Variants in LRRK1 observed in about 807,000 individuals in gnomAD.
LRRK1 encodes the protein leucine rich repeat kinase 1.
LRRK1 carries 113 observed loss-of-function variants against 209.1 expected under a neutral mutation model. That is an observed-to-expected ratio of 0.54 (90% CI 0.46 to 0.63). LRRK1 has a LOEUF of 0.63. Ranked by LOEUF, LRRK1 falls within the 30% of genes least tolerant of loss-of-function variation. The probability of loss-of-function intolerance (pLI) is 0.00; values close to 1 mark genes in which losing one functional copy is unlikely to be tolerated. For synonymous variants in LRRK1, 1,144 were observed against 1,099.7 expected (o/e 1.04, Z -0.80); for missense variants, 2,284 against 2,632.2 (o/e 0.87, Z 2.89).
intron 6 of LRRK1, among the ~76,000 whole-genome samples, chr15:100,991,745 A>T (rs950838649): frequency 1.3e-5 from 2 of 152,122 alleles, no homozygotes; most frequent in Admixed American, 6.5e-5. Flanking sequence ...AAATCTCAAA[A>T]ACTGAATAAT....
At chr15:101,019,387 A>C (rs1487181192) in intron 12 of LRRK1, among the ~76,000 whole-genome samples, 2 of 152,200 alleles carry the variant, frequency 1.3e-5, no homozygotes, top group Non-Finnish European at 2.9e-5. Context: ...AGGAAAAAAA[A>C]GGAAGCTTTT....
intron 2 of LRRK1, among the ~76,000 whole-genome samples, chr15:100,969,388 C>A (rs1464388539): frequency 6.6e-6 from 1 of 152,148 alleles, no homozygotes; most frequent in East Asian, 1.9e-4. Context: ...TAAAGACTTA[C>A]TCTCAAGTCA....
At chr15:100,964,953 G>C (rs550191245) in intron 2 of LRRK1, among the ~76,000 whole-genome samples, 44 of 152,302 alleles carry the variant, frequency 2.9e-4, no homozygotes, top group African/African-American at 1.0e-3. Flanking sequence ...CAGGAGTGAT[G>C]ACTTAACAAT....
At chr15:100,959,102 T>A (rs570888320) in intron 2 of LRRK1, among the ~76,000 whole-genome samples, 1 of 152,190 alleles carries the variant, frequency 6.6e-6, no homozygotes, top group Non-Finnish European at 1.5e-5. Flanking sequence ...AGAAAATCAT[T>A]CTTGGAAAGG....
intron 2 of LRRK1, among the ~76,000 whole-genome samples, chr15:100,969,507 CA>C (rs1467008570): frequency 6.6e-6 from 1 of 151,076 alleles, no homozygotes; most frequent in Non-Finnish European, 1.5e-5. Context: ...GTTTTTTTTT[CA>C]AGTTCAGGGG....
intron 12 of LRRK1, among the ~76,000 whole-genome samples, chr15:101,018,178 TAAA>T (rs34360209): frequency 1.2e-4 from 15 of 126,592 alleles, no homozygotes; most frequent in Non-Finnish European, 1.3e-4. Flanking sequence ...CAAATTGATT[TAAA>T]AAAAAAAAAA....
chr15:100,999,649 T>C (rs2032595944), intron 6 of LRRK1, among the ~76,000 whole-genome samples: 2 of 152,256 alleles, frequency 1.3e-5, no homozygotes, highest in Admixed American at 1.3e-4. Flanking sequence ...GAACTATTTG[T>C]TATTTGAAAT....
chr15:100,978,577 C>T (rs1160445743), intron 3 of LRRK1, among the ~76,000 whole-genome samples: 5 of 152,150 alleles, frequency 3.3e-5, no homozygotes, highest in African/African-American at 1.2e-4. Context: ...CAGAACATCA[C>T]TACAGATCCT....
At chr15:101,058,969 CATA>C (rs911388837) in intron 29 of LRRK1, among the ~76,000 whole-genome samples, 16 of 152,100 alleles carry the variant, frequency 1.1e-4, no homozygotes, top group Admixed American at 2.0e-4. Context: ...GAGCTTGAGA[CATA>C]ATAAGATAAA....
intron 3 of LRRK1, among the ~76,000 whole-genome samples, chr15:100,979,393 A>T (rs977993800): frequency 6.6e-6 from 1 of 152,180 alleles, no homozygotes; most frequent in Non-Finnish European, 1.5e-5. Context: ...CATTGTATTT[A>T]AAAAATACTA....
chr15:101,027,355 G>T lies in LRRK1; in HGVS notation c.2500G>T (p.Gly834Cys). The T allele has an allele frequency of 6.2e-7, 1 of 1,613,844 alleles. No individual in the cohort carries two copies. The highest frequency in any genetic ancestry group is 8.5e-7 in the Non-Finnish European group (1 of 1,179,994). Residue 834 changes from glycine to cysteine, a missense_variant, in exon 18 of 34, where the codon GGC (glycine) becomes TGC (cysteine). By Grantham distance (159) the Gly-to-Cys change is radical. Transcript: ENST00000388948. The surrounding 1 kb of genome is among the most constrained non-coding windows in gnomAD (Gnocchi z 5.1). The stretch of plus-strand genomic sequence containing the variant: ...CATGAAGGACGTGGGCAGCACCATC[G>T]GCTGCCAGCGACTGGCAGGGCGGCT... ...CSMKDVGSTIGCQRLAGRLIP... is the reference protein window; with the variant it reads ...CSMKDVGSTICCQRLAGRLIP...
Position 100,993,820 on chromosome 15 carries a change from C to G in LRRK1, c.762+4422C>G, listed in dbSNP as rs141622636. ...CTTTAATTTATATTTATTACTATTT[C>G]CTTTTTACCCTTCCCTTATTCCTGC... On this transcript the variant is annotated intron_variant, in intron 6 of 33. Coordinates refer to ENST00000388948, the MANE Select transcript of LRRK1 (RefSeq NM_024652.6). 9.4e-3 allele frequency among the ~76,000 whole-genome samples: 1,430 copies of G among 152,266 alleles called. 15 individuals are homozygous for G. Among genetic ancestry groups the G allele is most frequent in the Middle Eastern group, 0.031 (9 of 294 alleles).
chr15:100,940,942 C>T (rs1005602818), intron 2 of LRRK1, among the ~76,000 whole-genome samples: 2 of 152,222 alleles, frequency 1.3e-5, no homozygotes, highest in African/African-American at 4.8e-5. Context: ...TGGCTAGACC[C>T]TGCCTTGCAG....
Position 100,981,104 on chromosome 15 carries a change from C to T in LRRK1, c.262-2424C>T, listed in dbSNP as rs543623161. ...AGGTAAAGGCATAGAGAGAGGCCTACTTCCTGTTTTATACTTTTCTATGCT... is the reference window on the plus strand; with the variant it reads ...AGGTAAAGGCATAGAGAGAGGCCTATTTCCTGTTTTATACTTTTCTATGCT... On this transcript the variant is annotated intron_variant, in intron 3 of 33. Coordinates refer to ENST00000388948, the MANE Select transcript of LRRK1 (RefSeq NM_024652.6). Among the ~76,000 whole-genome samples the T allele has an allele frequency of 2.6e-5, 4 of 152,284 alleles. No homozygotes were observed. In the South Asian group the frequency reaches 8.3e-4, roughly 32 times the overall value.
At position 100,995,764 on chromosome 15, in the gene LRRK1, C is replaced by T. The variant is rs575078118; in HGVS notation, c.762+6366C>T. 2.0e-5 allele frequency among the ~76,000 whole-genome samples: 3 copies of T among 152,322 alleles called. No individual in the cohort carries two copies. In the South Asian group the frequency reaches 6.2e-4, roughly 32 times the overall value. On this transcript the variant is annotated intron_variant, in intron 6 of 33. Transcript: ENST00000388948. ...GTTAGAGGGCCAGGCTGAGGGCTCA[C>T]TGGGGCTGTTTTAAGTGTGGAAGTA...
At position 101,048,093 on chromosome 15, in the gene LRRK1, G is replaced by GAGAT. The variant is rs556505862; in HGVS notation, c.3136-397_3136-394dup. ...TTCAGCTGTTTTTCACAAACATATG[G>GAGAT]AGATAGAAAAAAAAAAAATCCTGGA... On this transcript the variant is annotated intron_variant, in intron 21 of 33. Transcript: ENST00000388948. Among the ~76,000 whole-genome samples, 250 of 134,060 alleles carry GAGAT rather than the reference G, an allele frequency of 1.9e-3. 1 individual carries two copies. Among genetic ancestry groups the GAGAT allele is most frequent in the African/African-American group, 5.8e-3 (230 of 39,876 alleles). The allele number at this position is 134,060 out of a possible 152,430, so 87.9% of individuals were successfully genotyped here.
intron 1 of LRRK1, chr15:100,920,308 A>G (rs1201487908): frequency 8.5e-5 from 13 of 152,226 alleles, no homozygotes; most frequent in Admixed American, 2.6e-4. Context: ...GTGTACACTA[A>G]TGATAGAGTT....
At chr15:100,945,791 C>T (rs923024522) in intron 2 of LRRK1, among the ~76,000 whole-genome samples, 1 of 152,136 alleles carries the variant, frequency 6.6e-6, no homozygotes, top group South Asian at 2.1e-4. Context: ...CAGTGCCCAG[C>T]CTTCATATTC....
At chr15:100,950,125 A>G (rs1214907263) in intron 2 of LRRK1, among the ~76,000 whole-genome samples, 1 of 152,270 alleles carries the variant, frequency 6.6e-6, no homozygotes, top group Non-Finnish European at 1.5e-5. Flanking sequence ...ACAAAAGACA[A>G]TTAGAACTAA....
Sources: gnomAD v4.1 joint callset for allele counts (sites outside exome capture counted in the v4.1 genomes callset) on GRCh38, gnomAD v4.1.1 for gene constraint, Gnocchi (gnomAD v3.1) non-coding constraint, MANE v1.5 for transcripts, NCBI Gene and HGNC (gene_info 2026-07-23, HGNC 2026-07-21) for gene names.